Variants in UNC5C observed in about 807,000 individuals in gnomAD.
UNC5C encodes the protein unc-5 netrin receptor C.
A neutral mutation model predicts 99.8 loss-of-function variants in UNC5C; 47 were observed. That is an observed-to-expected ratio of 0.47 (90% CI 0.37 to 0.60). The LOEUF (loss-of-function observed/expected upper bound fraction) is 0.60. UNC5C is among the 20% of genes least tolerant of loss of function. The probability of loss-of-function intolerance (pLI) is 0.00; values close to 1 mark genes in which losing one functional copy is unlikely to be tolerated. For synonymous variants in UNC5C, 487 were observed against 452.2 expected (o/e 1.08, Z -0.98); for missense variants, 1,062 against 1,165.9 (o/e 0.91, Z 1.30).
chr4:95,468,518 C>T (rs1038094270), intron 1 of UNC5C, among the ~76,000 whole-genome samples: 1 of 152,074 alleles, frequency 6.6e-6, no homozygotes, highest in Non-Finnish European at 1.5e-5. Flanking sequence ...TCATAAATTC[C>T]GTGAAGTCAT....
At chr4:95,473,745 C>T (rs113425977) in intron 1 of UNC5C, among the ~76,000 whole-genome samples, 1 of 152,110 alleles carries the variant, frequency 6.6e-6, no homozygotes, top group East Asian at 1.9e-4. Context: ...ATCTCCACTC[C>T]TCTGTGCCAT....
intron 12 of UNC5C, among the ~76,000 whole-genome samples, chr4:95,194,187 C>T (rs1737279702): frequency 1.3e-5 from 2 of 152,146 alleles, no homozygotes; most frequent in South Asian, 2.1e-4. Flanking sequence ...AGGCAAGCAG[C>T]GTGTCACTTG....
Position 95,374,931 on chromosome 4 carries a change from C to T in UNC5C, c.125-39300G>A, listed in dbSNP as rs186807342. ...TATGGTTGCTAAATTATAATAACAT[C>T]GCAGGTTGAACTATAATGCTGAATA... On this transcript the variant is annotated intron_variant, in intron 1 of 15. Transcript: ENST00000453304. Among the ~76,000 whole-genome samples the T allele has an allele frequency of 9.3e-4, 142 of 152,192 alleles. 1 individual carries two copies. Among genetic ancestry groups the T allele is most frequent in the South Asian group, 3.3e-3 (16 of 4,826 alleles).
At chr4:95,350,866 A>G (rs903909233) in intron 1 of UNC5C, among the ~76,000 whole-genome samples, 1 of 152,050 alleles carries the variant, frequency 6.6e-6, no homozygotes, top group Non-Finnish European at 1.5e-5. Context: ...CTGTGAAGGT[A>G]TTTTGTAGCT....
At chr4:95,321,903 G>T (rs1742707047) in intron 2 of UNC5C, among the ~76,000 whole-genome samples, 1 of 152,034 alleles carries the variant, frequency 6.6e-6, no homozygotes, top group Admixed American at 6.6e-5. Flanking sequence ...TATTTACTCA[G>T]CCCTGGGGCC....
In UNC5C at chr4:95,206,751, G is replaced by A; in HGVS notation, c.1779C>T (p.Ser593=). 1 of 1,613,540 alleles carries A rather than the reference G, an allele frequency of 6.2e-7. No individual in the cohort carries two copies. The highest frequency in any genetic ancestry group is 1.1e-5 in the South Asian group (1 of 91,014). ...TGAGCAGAGCTCCTGGGGGCCCACA[G>A]CTCACCACAGGGGTCAAAAGTGTCT... ...DSQTLLTPVV[S]CGPPGALLTR... is the part of the protein sequence containing the mutation. Residue 593 remains serine (S), a synonymous_variant, in exon 11 of 16, where the codon AGC becomes AGT. Transcript: ENST00000453304.
intron 1 of UNC5C, among the ~76,000 whole-genome samples, chr4:95,382,563 TATATTAATATATGAGAA>T (rs1473861977): frequency 1.3e-5 from 2 of 152,116 alleles, no homozygotes; most frequent in Non-Finnish European, 1.5e-5. Flanking sequence ...TAATCATGCT[TATATTAATATATGAGAA>T]ATATTAATAT....
At chr4:95,394,288 G>C (rs533697910) in intron 1 of UNC5C, among the ~76,000 whole-genome samples, 1 of 149,862 alleles carries the variant, frequency 6.7e-6, no homozygotes, top group Non-Finnish European at 1.5e-5. Context: ...TCCCACTAAC[G>C]CAAGTTTTGA....
At chr4:95,495,093 TTA>T (rs1041248112) in intron 1 of UNC5C, among the ~76,000 whole-genome samples, 5 of 151,706 alleles carry the variant, frequency 3.3e-5, no homozygotes, top group Admixed American at 6.6e-5. Context: ...GAAAGAATTT[TTA>T]TATGTTTCCC....
chr4:95,370,312 G>A (rs1297184144), intron 1 of UNC5C, among the ~76,000 whole-genome samples: 1 of 151,646 alleles, frequency 6.6e-6, no homozygotes, highest in African/African-American at 2.4e-5. Context: ...TTTTTTTAAT[G>A]CAGCTACTAG....
intron 1 of UNC5C, among the ~76,000 whole-genome samples, chr4:95,427,426 G>A (rs551644899): frequency 2.6e-5 from 4 of 152,180 alleles, no homozygotes; most frequent in Non-Finnish European, 4.4e-5. Flanking sequence ...TAGAGATATC[G>A]CCCATGAAAA....
At chr4:95,319,889 C>T (rs1200171883) in intron 2 of UNC5C, among the ~76,000 whole-genome samples, 1 of 152,038 alleles carries the variant, frequency 6.6e-6, no homozygotes, top group Non-Finnish European at 1.5e-5. Flanking sequence ...TTTAGTGGTA[C>T]AGAAACAAAT....
chr4:95,227,257 C>A (rs1738735231), intron 7 of UNC5C, among the ~76,000 whole-genome samples: 1 of 151,860 alleles, frequency 6.6e-6, no homozygotes, highest in African/African-American at 2.4e-5. Context: ...TCAAGCAATC[C>A]TCCCATCTCA....
intron 14 of UNC5C, among the ~76,000 whole-genome samples, chr4:95,178,418 A>C (rs1736458831): frequency 6.6e-6 from 1 of 151,864 alleles, no homozygotes; most frequent in African/African-American, 2.4e-5. Context: ...CTCTGTGCAC[A>C]TTGGCTGTAT....
chr4:95,240,572 C>G (rs976314779), intron 7 of UNC5C, among the ~76,000 whole-genome samples: 1 of 152,062 alleles, frequency 6.6e-6, no homozygotes, highest in Non-Finnish European at 1.5e-5. Flanking sequence ...GATTTTAACC[C>G]GAACAGCAAA....
intron 1 of UNC5C, among the ~76,000 whole-genome samples, chr4:95,541,867 A>G (rs1722930253): frequency 6.6e-6 from 1 of 152,226 alleles, no homozygotes; most frequent in East Asian, 1.9e-4. Context: ...CAGGCAGTCC[A>G]TGATTAAATA....
rs72874412 is a variant in UNC5C, at chr4:95,337,254, C to T, written c.125-1623G>A. 4.8e-3 allele frequency among the ~76,000 whole-genome samples: 731 copies of T among 151,960 alleles called. 6 individuals carry two copies. The highest frequency in any genetic ancestry group is 0.017 in the African/African-American group (695 of 41,504). On this transcript the variant is annotated intron_variant, in intron 1 of 15. Transcript: ENST00000453304. ...ACTTTATTTTTTAACTATGTTTGTA[C>T]ACATAAAACATGTGACTGTATTTAA...
intron 1 of UNC5C, among the ~76,000 whole-genome samples, chr4:95,478,693 T>G (rs17024032): frequency 8.3e-4 from 126 of 152,120 alleles, no homozygotes; most frequent in African/African-American, 2.9e-3. Context: ...GTAGATACAA[T>G]TGACTCTAAT....
chr4:95,334,623 A>T (rs1743261435), intron 2 of UNC5C, among the ~76,000 whole-genome samples: 1 of 151,990 alleles, frequency 6.6e-6, no homozygotes, highest in South Asian at 2.1e-4. Context: ...ACCCTAATTT[A>T]TCCATTGTGT....
Sources: allele counts gnomAD v4.1 joint callset (sites outside exome capture counted in the v4.1 genomes callset), GRCh38; gene constraint gnomAD v4.1.1; transcripts MANE v1.5; gene names NCBI Gene and HGNC (gene_info 2026-07-23, HGNC 2026-07-21).